Variants in MUSK observed in about 807,000 individuals in gnomAD.
MUSK encodes muscle associated receptor tyrosine kinase.
Under a neutral mutation model 88.7 loss-of-function variants are expected in MUSK, and 55 were observed. That is an observed-to-expected ratio of 0.62 (90% confidence interval 0.50 to 0.78). The LOEUF (loss-of-function observed/expected upper bound fraction) is 0.78. MUSK is among the 30% of genes least tolerant of loss of function. The pLI, the probability that MUSK is intolerant of heterozygous loss-of-function variation, is 0.00. For synonymous variants in MUSK, 387 were observed against 391.9 expected (o/e 0.99, Z 0.15); for missense variants, 1,015 against 1,074.3 (o/e 0.94, Z 0.77).
intron 6 of MUSK, among the ~76,000 whole-genome samples, chr9:110,746,371 G>T (rs2077174764): frequency 6.6e-6 from 1 of 152,156 alleles, no homozygotes; most frequent in Admixed American, 6.5e-5. Flanking sequence ...TTCATGGTTG[G>T]TTGATTTGTT....
rs747987063 is a variant in MUSK, at chr9:110,687,142, C to T, written c.232C>T (p.Arg78Trp). ...ACTCTTTGACACCCGGTACAGCATC[C>T]GGGAGAATGGGCAGCTCCTCACCAT... The part of the protein sequence containing the change: ...IKLFDTRYSI[R>W]ENGQLLTILS... The change falls in exon 3 of 15, where the codon CGG becomes TGG. Residue 78 changes from arginine to tryptophan, a missense_variant. Coordinates refer to ENST00000374448, the MANE Select transcript of MUSK (RefSeq NM_005592.4). 8.7e-6 allele frequency: 14 copies of T among 1,613,440 alleles called. No homozygotes were observed. Among genetic ancestry groups the T allele is most frequent in the East Asian group, 2.2e-5 (1 of 44,858 alleles).
intron 5 of MUSK, among the ~76,000 whole-genome samples, chr9:110,733,113 G>A (rs1037619093): frequency 1.3e-5 from 2 of 152,002 alleles, no homozygotes; most frequent in African/African-American, 2.4e-5. Context: ...GCTAATTGGG[G>A]CTTCATACTC....
chr9:110,747,718 A>C lies in MUSK; in HGVS notation c.831A>C (p.Pro277=). The C allele has an allele frequency of 1.2e-6, 2 of 1,613,898 alleles. No individual in the cohort carries two copies. The highest frequency in any genetic ancestry group is 1.7e-6 in the Non-Finnish European group (2 of 1,179,800). ...GACTGCAGCTGTTTATCACCAAGCC[A>C]GGACTCTACACATGCATAGCTACCA... The part of the protein sequence containing the change: ...DSRLQLFITK[P]GLYTCIATNK... Residue 277 remains proline (P), a synonymous_variant, in exon 7 of 15, where the codon CCA becomes CCC. Coordinates refer to ENST00000374448, the MANE Select transcript of MUSK (RefSeq NM_005592.4).
chr9:110,681,061 A>ATAATATATAAATATTATATATAT (rs1554732387), intron 1 of MUSK, among the ~76,000 whole-genome samples: 1 of 24,164 alleles, frequency 4.1e-5, no homozygotes, highest in Non-Finnish European at 7.2e-5. Flanking sequence ...TATATATTAT[A>ATAATATATAAATATTATATATAT]TATATAATAT....
chr9:110,769,080 A>C (rs959460538), intron 9 of MUSK, among the ~76,000 whole-genome samples: 3 of 152,196 alleles, frequency 2.0e-5, no homozygotes, highest in Non-Finnish European at 2.9e-5. Context: ...TGCACGGTAG[A>C]ATTGAGAGGA....
intron 5 of MUSK, among the ~76,000 whole-genome samples, chr9:110,707,005 A>G (rs1018705025): frequency 6.0e-5 from 9 of 149,244 alleles, no homozygotes; most frequent in African/African-American, 2.0e-4. Context: ...CCCTGTCTCA[A>G]AAAAATAGAG....
At chr9:110,769,919 T>C (rs999510802) in intron 9 of MUSK, among the ~76,000 whole-genome samples, 1 of 152,098 alleles carries the variant, frequency 6.6e-6, no homozygotes, top group Non-Finnish European at 1.5e-5. Flanking sequence ...TCTCTGTGTG[T>C]GTGACAGCCA....
At chr9:110,759,997 C>T (rs1215438786) in intron 7 of MUSK, among the ~76,000 whole-genome samples, 1 of 152,146 alleles carries the variant, frequency 6.6e-6, no homozygotes, top group Non-Finnish European at 1.5e-5. Context: ...GATCACACCA[C>T]TGCACTCCCT....
intron 7 of MUSK, among the ~76,000 whole-genome samples, chr9:110,751,153 G>A (rs999205812): frequency 2.0e-5 from 3 of 152,110 alleles, no homozygotes; most frequent in African/African-American, 7.2e-5. Flanking sequence ...TTAAGATGCC[G>A]AGAGGACTAC....
chr9:110,760,005 C>T (rs2077375630), intron 7 of MUSK, among the ~76,000 whole-genome samples: 1 of 152,074 alleles, frequency 6.6e-6, no homozygotes, highest in Non-Finnish European at 1.5e-5. Flanking sequence ...CACTGCACTC[C>T]CTCCTGGGCC....
intron 1 of MUSK, among the ~76,000 whole-genome samples, chr9:110,671,469 A>G (rs2075955948): frequency 6.6e-6 from 1 of 152,270 alleles, no homozygotes; most frequent in African/African-American, 2.4e-5. Flanking sequence ...CATATTTAAA[A>G]TAACACAAAA....
At chr9:110,689,674 TATATATAACTATATATAGTTATATATAA>T (rs1318266113) in intron 3 of MUSK, among the ~76,000 whole-genome samples, 1 of 72,368 alleles carries the variant, frequency 1.4e-5, no homozygotes, top group African/African-American at 6.4e-5. Context: ...CATAGTATAT[TATATATAACTATATATAGTTATATATAA>T]ATATATAACT....
chr9:110,671,162 G>C (rs536353373), intron 1 of MUSK, among the ~76,000 whole-genome samples: 33 of 152,136 alleles, frequency 2.2e-4, no homozygotes, highest in Middle Eastern at 3.4e-3. Context: ...AGTAGAGACA[G>C]GGTTTCACCA....
rs147237833 is a variant in MUSK at position 110,735,800 on chromosome 9, G to C, written c.753+1425G>C. 2.2e-4 allele frequency among the ~76,000 whole-genome samples: 34 copies of C among 152,224 alleles called. 1 individual carries two copies. In the East Asian group the frequency reaches 6.6e-3, roughly 29 times the overall value. ...ACTTACAATCATGGCAGAAAGCAAA[G>C]TGGGAGCAAGACATCTCACATGGCC... On this transcript the variant is annotated intron_variant, in intron 6 of 14. Transcript: ENST00000374448.
intron 5 of MUSK, among the ~76,000 whole-genome samples, chr9:110,708,261 T>A (rs1338769201): frequency 6.6e-6 from 1 of 152,200 alleles, no homozygotes; most frequent in East Asian, 1.9e-4. Flanking sequence ...TCTACAAAAG[T>A]GGAAGCAATC....
intron 3 of MUSK, 59 bp downstream of exon 3, chr9:110,687,327 G>T: frequency 6.3e-7 from 1 of 1,591,402 alleles, no homozygotes; most frequent in Admixed American, 1.7e-5. Flanking sequence ...ACTTAGTTTT[G>T]TATTTATTTT....
intron 1 of MUSK, among the ~76,000 whole-genome samples, chr9:110,675,398 T>C (rs1043539091): frequency 2.0e-5 from 3 of 149,934 alleles, no homozygotes; most frequent in Non-Finnish European, 4.4e-5. Context: ...ATTTTTTGTA[T>C]TTTTAGTAGA....
intron 3 of MUSK, among the ~76,000 whole-genome samples, chr9:110,692,170 G>T (rs552033418): frequency 1.2e-3 from 183 of 151,492 alleles, no homozygotes; most frequent in African/African-American, 3.9e-3. Flanking sequence ...TTTTGTTTTG[G>T]TTTTTTTGAG....
chr9:110,716,523 T>A (rs2076745899), intron 5 of MUSK, among the ~76,000 whole-genome samples: 1 of 150,172 alleles, frequency 6.7e-6, no homozygotes, highest in South Asian at 2.1e-4. Context: ...TATATTTTAA[T>A]TTTCTATTTC....
Sources: gnomAD v4.1 joint callset for allele counts (sites outside exome capture counted in the v4.1 genomes callset) on GRCh38, gnomAD v4.1.1 for gene constraint, MANE v1.5 for transcripts, NCBI Gene and HGNC (gene_info 2026-07-23, HGNC 2026-07-21) for gene names.